The following TTC23 variants were observed in gnomAD, a reference collection of about 807,000 sequenced individuals.
TTC23 encodes tetratricopeptide repeat domain 23.
In TTC23, 58 loss-of-function variants were observed where a neutral mutation model predicts 55.1. The ratio of observed to expected loss-of-function variants is 1.05; its 90% confidence interval spans 0.85 to 1.31. The LOEUF is 1.31. Among genes scored for constraint, TTC23 ranks in the 50% most tolerant of loss-of-function variants. TTC23 has a pLI of 0.00. For missense variants in TTC23, 516 were observed against 534.4 expected (o/e 0.97, Z 0.34); for synonymous variants, 203 against 199.9 (o/e 1.02, Z -0.13).
chr15:99,241,442 G>C lies in TTC23; in HGVS notation c.-191C>G, dbSNP rs904924073. Reference sequence around the variant, plus strand: ...GGGCTTAAAATTTCATCAGACATCAGCCCAGGTCCCACAAACCATCCTCTT... The same window carrying C: ...GGGCTTAAAATTTCATCAGACATCACCCCAGGTCCCACAAACCATCCTCTT... On this transcript the variant is annotated 5_prime_UTR_variant, in exon 3 of 14. Transcript: ENST00000394132. 1.1e-4 allele frequency: 17 copies of C among 152,416 alleles called. No individual in the cohort carries two copies. The highest frequency in any genetic ancestry group is 3.9e-4 in the African/African-American group (16 of 41,424). 9.4% of individuals were successfully genotyped at this position (152,416 alleles called of 1,614,324 possible).
chr15:99,229,796 A>G (rs905190390), intron 4 of TTC23, among the ~76,000 whole-genome samples: 1 of 152,266 alleles, frequency 6.6e-6, no homozygotes. Flanking sequence ...TTTCTAATTC[A>G]TGAGGCATTA....
chr15:99,138,070 G>A lies in TTC23; in HGVS notation c.1284C>T (p.Cys428=). 2 of 1,613,882 alleles carry A rather than the reference G, an allele frequency of 1.2e-6. No individual in the cohort carries two copies. Among genetic ancestry groups the A allele is most frequent in the Non-Finnish European group, 1.7e-6 (2 of 1,180,008 alleles). The change falls in exon 14 of 14, where the codon TGC becomes TGT. Residue 428 remains cysteine (C), a synonymous_variant. Transcript: ENST00000394132. ...RQASKAKVAF[C]TSIPQDTLLG... ...GCAGGGTGTCCTGAGGGATGCTGGTGCAGAAGGCCACTTTGGCTTTTGATG... is the reference window on the plus strand; with the variant it reads ...GCAGGGTGTCCTGAGGGATGCTGGTACAGAAGGCCACTTTGGCTTTTGATG...
intron 9 of TTC23, among the ~76,000 whole-genome samples, chr15:99,182,026 T>G (rs1359396114): frequency 6.6e-6 from 1 of 152,218 alleles, no homozygotes; most frequent in Non-Finnish European, 1.5e-5. Flanking sequence ...TGGTTGCAAG[T>G]ATGTGTTTTC....
chr15:99,229,828 C>A (rs1057086315), intron 4 of TTC23, among the ~76,000 whole-genome samples: 2 of 152,222 alleles, frequency 1.3e-5, no homozygotes, highest in African/African-American at 4.8e-5. Context: ...TACTCAGAAG[C>A]CTTTCATCTC....
At chr15:99,149,084 G>A (rs771340741) in intron 12 of TTC23, among the ~76,000 whole-genome samples, 3 of 152,190 alleles carry the variant, frequency 2.0e-5, no homozygotes, top group South Asian at 2.1e-4. Context: ...CACCGTCGCC[G>A]GGTGGTGCTT....
At position 99,241,418 on chromosome 15, in the gene TTC23, G is replaced by A. The variant is rs2079787749; in HGVS notation, c.-167C>T. 6.6e-6 allele frequency: 1 copy of A among 152,242 alleles called. No individual in the cohort carries two copies. 9.4% of individuals were successfully genotyped at this position (152,242 alleles called of 1,614,324 possible). On this transcript the variant is annotated 5_prime_UTR_variant, in exon 3 of 14. Coordinates refer to ENST00000394132, the MANE Select transcript of TTC23 (RefSeq NM_001288615.3). The stretch of plus-strand genomic sequence containing the variant: ...TTTTCTTTGTAGTAGCTATAGCTGG[G>A]GCTTAAAATTTCATCAGACATCAGC...
chr15:99,165,703 A>G (rs913808729), intron 10 of TTC23, among the ~76,000 whole-genome samples: 1 of 148,018 alleles, frequency 6.8e-6, no homozygotes, highest in Non-Finnish European at 1.5e-5. Context: ...AATCTACCAC[A>G]TGGAAAATGT....
chr15:99,190,533 A>T (rs369395241), intron 9 of TTC23, among the ~76,000 whole-genome samples: 6 of 152,156 alleles, frequency 3.9e-5, no homozygotes, highest in Non-Finnish European at 5.9e-5. Flanking sequence ...AAATATAAAC[A>T]ATTATCTCTG....
intron 12 of TTC23, 143 bp downstream of exon 12, chr15:99,156,005 G>A: frequency 1.8e-6 from 2 of 1,098,374 alleles, no homozygotes; most frequent in South Asian, 1.6e-5. Context: ...TATCAGGTTA[G>A]ATCTACCACA....
intron 1 of TTC23, among the ~76,000 whole-genome samples, chr15:99,248,748 C>T (rs1267130176): frequency 1.3e-5 from 2 of 152,180 alleles, no homozygotes; most frequent in Non-Finnish European, 2.9e-5. Context: ...ACACAGGCAA[C>T]TTAAGAAATA....
rs2076391319 is a variant in TTC23 at position 99,203,793 on chromosome 15, C to T, written c.582-3697G>A. Among the ~76,000 whole-genome samples, 3 of 151,840 alleles carry T rather than the reference C, an allele frequency of 2.0e-5. No individual in the cohort carries two copies. The South Asian group carries it at 6.2e-4, about 32-fold the overall frequency. ...CTTATTTCACTTAACATAATGCCCT[C>T]CAGCTCCATCCATTTTGCTGCAATT... On this transcript the variant is annotated intron_variant, in intron 8 of 13. Transcript: ENST00000394132.
At chr15:99,161,947 T>G (rs934602832) in intron 10 of TTC23, 80 bp from the exon 11 acceptor site, 29 of 1,439,410 alleles carry the variant, frequency 2.0e-5, no homozygotes, top group Non-Finnish European at 2.5e-5. Context: ...CTGTTAGCAG[T>G]GTTGAGCTAT....
At chr15:99,206,597 C>A (rs2152012631) in intron 8 of TTC23, among the ~76,000 whole-genome samples, 1 of 152,202 alleles carries the variant, frequency 6.6e-6, no homozygotes, top group East Asian at 1.9e-4. Context: ...TTACATATTA[C>A]ATATAGTTGC....
intron 9 of TTC23, among the ~76,000 whole-genome samples, chr15:99,197,118 T>C (rs1381216506): frequency 6.6e-6 from 1 of 151,932 alleles, no homozygotes; most frequent in Admixed American, 6.5e-5. Flanking sequence ...TTTTTTTTTT[T>C]TTGAGACGGA....
At chr15:99,198,309 C>G (rs1023925365) in intron 9 of TTC23, among the ~76,000 whole-genome samples, 1 of 152,210 alleles carries the variant, frequency 6.6e-6, no homozygotes. Flanking sequence ...GCACAAATAT[C>G]TACTCAGCAG....
intron 9 of TTC23, among the ~76,000 whole-genome samples, chr15:99,188,671 C>CA (rs1026814047): frequency 7.9e-5 from 12 of 151,910 alleles, no homozygotes; most frequent in Admixed American, 7.9e-4. Flanking sequence ...AGACAATTGA[C>CA]AAAAAATATA....
chr15:99,219,212 C>G (rs1002212517), intron 6 of TTC23, among the ~76,000 whole-genome samples, 164 bp from the exon 7 acceptor site: 1 of 152,148 alleles, frequency 6.6e-6, no homozygotes. Context: ...CTGTAACAAC[C>G]AAAGAAGTGT....
At chr15:99,201,461 T>C (rs2076192224) in intron 8 of TTC23, among the ~76,000 whole-genome samples, 1 of 152,130 alleles carries the variant, frequency 6.6e-6, no homozygotes, top group Admixed American at 6.6e-5. Context: ...AAGAGAAAGC[T>C]AAAAGACTAC....
chr15:99,214,620 G>A (rs2152034648), intron 8 of TTC23, among the ~76,000 whole-genome samples: 1 of 151,862 alleles, frequency 6.6e-6, no homozygotes, highest in Admixed American at 6.5e-5. Context: ...TAGAGATGGG[G>A]GTCTCCCCAT....
Sources: allele counts gnomAD v4.1 joint callset (sites outside exome capture counted in the v4.1 genomes callset), GRCh38; gene constraint gnomAD v4.1.1; transcripts MANE v1.5; gene names NCBI Gene and HGNC (gene_info 2026-07-23, HGNC 2026-07-21).